The following KIAA1217 variants were observed in gnomAD, a reference collection of about 807,000 sequenced individuals.
The protein encoded by KIAA1217 is KIAA1217.
KIAA1217 carries 88 observed loss-of-function variants against 163.9 expected under a neutral mutation model. The observed-to-expected ratio is 0.54, with a 90% CI of 0.45 to 0.64. KIAA1217 has a LOEUF of 0.64. Ranked by LOEUF, KIAA1217 falls within the 30% of genes least tolerant of loss-of-function variation. The probability of loss-of-function intolerance (pLI) is 0.00; values close to 1 mark genes in which losing one functional copy is unlikely to be tolerated. For missense variants in KIAA1217, 2,372 were observed against 2,475.0 expected, an observed-to-expected ratio of 0.96 and a Z score of 0.88; for synonymous variants, 903 against 923.1, an observed-to-expected ratio of 0.98 and a Z score of 0.39.
At chr10:23,888,639 G>C (rs1445766648) in intron 1 of KIAA1217, among the ~76,000 whole-genome samples, 1 of 151,876 alleles carries the variant, frequency 6.6e-6, no homozygotes, top group South Asian at 2.1e-4. Flanking sequence ...AGTGACTTTT[G>C]TGTAAAAGTA....
chr10:24,350,040 G>A (rs1034882357), intron 2 of KIAA1217, among the ~76,000 whole-genome samples: 3 of 152,160 alleles, frequency 2.0e-5, no homozygotes, highest in Admixed American at 1.3e-4. Context: ...CAGGCATGAT[G>A]CATGGTTACT....
At chr10:23,757,641 C>T (rs571746179) in intron 1 of KIAA1217, among the ~76,000 whole-genome samples, 27 of 152,248 alleles carry the variant, frequency 1.8e-4, no homozygotes, top group Admixed American at 1.8e-3. Flanking sequence ...CCTCAGCCTC[C>T]TGAGTAGCAG....
At chr10:24,249,973 C>A (rs1251218700) in intron 2 of KIAA1217, among the ~76,000 whole-genome samples, 2 of 152,148 alleles carry the variant, frequency 1.3e-5, no homozygotes, top group Non-Finnish European at 2.9e-5. Context: ...TGACTTCTTG[C>A]CTCCGTGGCC....
intron 1 of KIAA1217, among the ~76,000 whole-genome samples, chr10:23,788,046 A>T (rs1206270559): frequency 6.6e-6 from 1 of 151,986 alleles, no homozygotes; most frequent in Non-Finnish European, 1.5e-5. Context: ...AAAAATGAAA[A>T]AATTAGCCAG....
chr10:23,964,202 G>A (rs897383902), intron 1 of KIAA1217, among the ~76,000 whole-genome samples: 12 of 151,636 alleles, frequency 7.9e-5, no homozygotes, highest in East Asian at 3.9e-4. Flanking sequence ...GTGCCTGGCC[G>A]ATGAGCTGTT....
chr10:23,823,884 G>A (rs1588892137), intron 1 of KIAA1217, among the ~76,000 whole-genome samples: 2 of 151,652 alleles, frequency 1.3e-5, no homozygotes, highest in African/African-American at 2.4e-5. Flanking sequence ...CATAGATGGA[G>A]AAGAAAAGAG....
chr10:24,192,507 G>T (rs1203164938), intron 2 of KIAA1217, among the ~76,000 whole-genome samples: 1 of 152,180 alleles, frequency 6.6e-6, no homozygotes, highest in East Asian at 1.9e-4. Context: ...GTTTTCCAGT[G>T]TCATCCCCAT....
chr10:23,938,795 A>T (rs558304895), intron 1 of KIAA1217, among the ~76,000 whole-genome samples: 1 of 144,766 alleles, frequency 6.9e-6, no homozygotes, highest in African/African-American at 2.5e-5. Context: ...GGATACCAAG[A>T]GATGACTGTG....
chr10:23,779,756 A>T (rs892878183), intron 1 of KIAA1217, among the ~76,000 whole-genome samples: 5 of 152,356 alleles, frequency 3.3e-5, no homozygotes, highest in Middle Eastern at 3.4e-3. Context: ...TTTATTTCAA[A>T]GAAATGGTAA....
chr10:24,498,242 G>C (rs758966142), intron 8 of KIAA1217, among the ~76,000 whole-genome samples: 1 of 152,140 alleles, frequency 6.6e-6, no homozygotes, highest in Non-Finnish European at 1.5e-5. Context: ...GGATTTAAAA[G>C]GTTGGCAGAG....
At chr10:24,324,996 GA>G (rs1334038070) in intron 2 of KIAA1217, among the ~76,000 whole-genome samples, 23 of 151,970 alleles carry the variant, frequency 1.5e-4, no homozygotes, top group South Asian at 6.2e-4. Flanking sequence ...AAAAGGAGTT[GA>G]AAAAAAGTGT....
intron 2 of KIAA1217, among the ~76,000 whole-genome samples, chr10:24,233,071 G>A (rs546847358): frequency 1.3e-5 from 2 of 151,996 alleles, no homozygotes; most frequent in South Asian, 4.2e-4. Flanking sequence ...GCTGCAGTGA[G>A]TCATGATCAT....
chr10:24,038,747 CTTTTTTTTTTTTTT>C (rs3072773), intron 2 of KIAA1217, among the ~76,000 whole-genome samples: 1 of 76,308 alleles, frequency 1.3e-5, no homozygotes, highest in Non-Finnish European at 2.4e-5. Flanking sequence ...CTGAGAATTG[CTTTTTTTTTTTTTT>C]TTTTTTTTGA....
chr10:24,306,177 T>A (rs1457000286), intron 2 of KIAA1217, among the ~76,000 whole-genome samples: 1 of 152,122 alleles, frequency 6.6e-6, no homozygotes, highest in African/African-American at 2.4e-5. Context: ...ACAAATGGTG[T>A]CTATGAGAAC....
At chr10:24,437,483 A>T (rs1218520678) in intron 4 of KIAA1217, among the ~76,000 whole-genome samples, 1 of 152,214 alleles carries the variant, frequency 6.6e-6, no homozygotes, top group African/African-American at 2.4e-5. Flanking sequence ...GGAAGAGAGG[A>T]ATTCTTCCTC....
intron 13 of KIAA1217, 125 bp downstream of exon 13, chr10:24,524,889 G>A: frequency 1.1e-6 from 1 of 915,712 alleles, no homozygotes; most frequent in Non-Finnish European, 1.6e-6. Context: ...GGTTTTGGAA[G>A]TGGAAGTGGG....
intron 1 of KIAA1217, among the ~76,000 whole-genome samples, chr10:23,707,224 T>C (rs1211174894): frequency 6.6e-6 from 1 of 152,038 alleles, no homozygotes; most frequent in Non-Finnish European, 1.5e-5. Context: ...GCATATAATA[T>C]AGGGGTTTGG....
At chr10:23,751,500 A>T (rs1291596058) in intron 1 of KIAA1217, among the ~76,000 whole-genome samples, 1 of 152,010 alleles carries the variant, frequency 6.6e-6, no homozygotes, top group African/African-American at 2.4e-5. Context: ...TCCCTATGTT[A>T]TGTGTCATGA....
intron 2 of KIAA1217, among the ~76,000 whole-genome samples, chr10:24,305,135 A>C (rs555591683): frequency 6.6e-6 from 1 of 152,216 alleles, no homozygotes; most frequent in Non-Finnish European, 1.5e-5. Flanking sequence ...TTTATAACAT[A>C]AAATTAAATA....
Sources: allele counts gnomAD v4.1 joint callset (sites outside exome capture counted in the v4.1 genomes callset), GRCh38; gene constraint gnomAD v4.1.1; transcripts MANE v1.5; gene names NCBI Gene and HGNC (gene_info 2026-07-23, HGNC 2026-07-21).